The following LZTFL1 variants were observed in gnomAD, a reference collection of about 807,000 sequenced individuals.
The protein encoded by LZTFL1 is leucine zipper transcription factor like 1, also known as leucine zipper transcription factor-like protein 1.
LZTFL1 carries 25 observed loss-of-function variants against 45.9 expected under a neutral mutation model. The observed-to-expected ratio is 0.54, with a 90% CI of 0.40 to 0.76. LZTFL1 has a LOEUF of 0.76. Among genes scored for constraint, LZTFL1 ranks in the 30% least tolerant of loss-of-function variants. The pLI, the probability that LZTFL1 is intolerant of heterozygous loss-of-function variation, is 0.00. For synonymous variants in LZTFL1, 93 were observed against 117.4 expected (o/e 0.79, Z 1.35); for missense variants, 277 against 331.1 (o/e 0.84, Z 1.27).
chr3:45,905,599 C>T (rs1702664720), intron 2 of LZTFL1, among the ~76,000 whole-genome samples: 1 of 152,226 alleles, frequency 6.6e-6, no homozygotes, highest in Non-Finnish European at 1.5e-5. Flanking sequence ...GTTGCCAGTT[C>T]TTCAGGGCCC....
In LZTFL1 at chr3:45,865,005, A is replaced by T. The variant is rs566482609; in HGVS notation, c.-214-5989T>A. Among the ~76,000 whole-genome samples the T allele has an allele frequency of 7.9e-5, 12 of 152,294 alleles. 1 individual carries two copies. The South Asian group carries it at 2.5e-3, about 32-fold the overall frequency. ...TGGAAAGGCAATTCTGCTCTGAGGA[A>T]CGTGAAACAAGCATAAACCGAATGT... On this transcript the variant is annotated intron_variant, in intron 2 of 4. Coordinates refer to the LZTFL1 transcript ENST00000472635.
chr3:45,827,260 C>T (rs1700692054), intron 9 of LZTFL1, 96 bp downstream of exon 9: 1 of 915,972 alleles, frequency 1.1e-6, no homozygotes, highest in Non-Finnish European at 1.8e-6. Context: ...CCAGCAACTA[C>T]CACCGGCTTG....
chr3:45,884,653 A>G (rs190012194), intron 2 of LZTFL1, among the ~76,000 whole-genome samples: 1 of 152,082 alleles, frequency 6.6e-6, no homozygotes, highest in East Asian at 1.9e-4. Flanking sequence ...TCTACCTTGT[A>G]TGCTCTTACC....
rs1553617313 is a variant in LZTFL1 at position 45,897,992 on chromosome 3, A to AC, written c.-215+15127_-215+15128insG. ...TATTTGACCAAAAAAAAAAAAAAAA[A>AC]ACACACAAAACACAAAACACCAACC... On this transcript the variant is annotated intron_variant, in intron 2 of 4. Transcript: ENST00000472635. Among the ~76,000 whole-genome samples, 245 of 149,524 alleles carry AC rather than the reference A, an allele frequency of 1.6e-3. 1 individual carries two copies. The highest frequency in any genetic ancestry group is 0.011 in the Middle Eastern group (3 of 284).
intron 2 of LZTFL1, chr3:45,897,687 G>T: frequency 3.8e-6 from 5 of 1,325,928 alleles, no homozygotes; most frequent in Non-Finnish European, 5.1e-6. Flanking sequence ...CCTCTCATTT[G>T]TTCCCCAGGA....
upstream of LZTFL1, among the ~76,000 whole-genome samples, chr3:45,845,380 C>T (rs981467504): frequency 1.3e-5 from 2 of 152,156 alleles, no homozygotes; most frequent in African/African-American, 4.8e-5. Flanking sequence ...TAGTTCACTT[C>T]TGTTGAGGCT....
upstream of LZTFL1, among the ~76,000 whole-genome samples, chr3:45,846,742 G>C (rs1037593651): frequency 1.3e-5 from 2 of 152,032 alleles, no homozygotes; most frequent in Non-Finnish European, 2.9e-5. Context: ...GGAGGAAGAG[G>C]AGAGGTTGGT....
chr3:45,905,432 T>A (rs1702661534), intron 2 of LZTFL1, among the ~76,000 whole-genome samples: 1 of 152,256 alleles, frequency 6.6e-6, no homozygotes, highest in Non-Finnish European at 1.5e-5. Flanking sequence ...TGCAAATATG[T>A]GTCTTTCCAA....
intron 2 of LZTFL1, 41 bp downstream of exon 2, chr3:45,837,886 C>A (rs374682402): frequency 5.2e-6 from 8 of 1,553,120 alleles, no homozygotes; most frequent in Non-Finnish European, 6.1e-6. Context: ...CAGAAAGAAT[C>A]CATGTTCCTA....
intron 2 of LZTFL1, among the ~76,000 whole-genome samples, chr3:45,872,662 T>G (rs1701688071): frequency 6.6e-6 from 1 of 152,166 alleles, no homozygotes; most frequent in South Asian, 2.1e-4. Context: ...ATGCTGCTGG[T>G]CTGGGGCACA....
chr3:45,891,414 A>T (rs917902689), intron 2 of LZTFL1, among the ~76,000 whole-genome samples: 12 of 152,124 alleles, frequency 7.9e-5, no homozygotes, highest in African/African-American at 2.4e-4. Context: ...ATTTTGTCCT[A>T]CTGGCTTTAT....
intron 1 of LZTFL1, chr3:45,915,348 C>A: frequency 2.8e-6 from 1 of 358,418 alleles, no homozygotes; most frequent in Admixed American, 3.5e-5. Context: ...CACCGCCCAC[C>A]TCCGCCCCAC....
chr3:45,896,420 A>T (rs551888939), intron 2 of LZTFL1, among the ~76,000 whole-genome samples: 1 of 152,206 alleles, frequency 6.6e-6, no homozygotes, highest in Non-Finnish European at 1.5e-5. Flanking sequence ...TATTCCATGG[A>T]AAGTAGCCGT....
chr3:45,901,292 T>G lies in LZTFL1; in HGVS notation c.-215+11828A>C, dbSNP rs200673880. 1 of 1,614,218 alleles carries G rather than the reference T, an allele frequency of 6.2e-7. No homozygotes were observed. Among genetic ancestry groups the G allele is most frequent in the Non-Finnish European group, 8.5e-7 (1 of 1,180,036 alleles). On this transcript the variant is annotated intron_variant, in intron 2 of 4. Coordinates refer to the LZTFL1 transcript ENST00000472635. This position sits in a 1 kb window ranked among gnomAD's most constrained non-coding sequence, Gnocchi z 4.3. ...AAAGGCTTTTGTACAGCAAAATGGT[T>G]TGCTTTACCATCTGGGTATTGGCAG...
At chr3:45,909,918 C>T (rs904976071) in intron 2 of LZTFL1, among the ~76,000 whole-genome samples, 1 of 152,188 alleles carries the variant, frequency 6.6e-6, no homozygotes, top group African/African-American at 2.4e-5. Flanking sequence ...GGGACCATCA[C>T]CCCTAATTCT....
intron 2 of LZTFL1, chr3:45,903,009 T>G (rs1702605637): frequency 6.0e-6 from 1 of 167,124 alleles, no homozygotes; most frequent in Non-Finnish European, 1.5e-5. Flanking sequence ...CTTTGCATCT[T>G]TTGTGTCTTT....
chr3:45,827,605 T>C, intron 8 of LZTFL1, 146 bp from the exon 9 acceptor site: 1 of 606,524 alleles, frequency 1.6e-6, no homozygotes, highest in Non-Finnish European at 2.9e-6. Context: ...GACACATTTA[T>C]ATAAAACTAA....
intron 2 of LZTFL1, among the ~76,000 whole-genome samples, chr3:45,884,740 T>C (rs1701935614): frequency 6.6e-6 from 1 of 152,220 alleles, no homozygotes; most frequent in Admixed American, 6.5e-5. Context: ...CAATAGTGCG[T>C]GTCTCACCTC....
At chr3:45,863,039 G>T (rs549420934) in intron 2 of LZTFL1, among the ~76,000 whole-genome samples, 1 of 152,232 alleles carries the variant, frequency 6.6e-6, no homozygotes, top group African/African-American at 2.4e-5. Context: ...TGAGACCCAA[G>T]AATAATTCAA....
Sources: gnomAD v4.1 joint callset for allele counts (sites outside exome capture counted in the v4.1 genomes callset) on GRCh38, gnomAD v4.1.1 for gene constraint, Gnocchi (gnomAD v3.1) non-coding constraint, MANE v1.5 for transcripts, NCBI Gene and HGNC (gene_info 2026-07-23, HGNC 2026-07-21) for gene names.